Variants in CDKAL1 observed in about 807,000 individuals in gnomAD.
CDKAL1 encodes CDKAL1 threonylcarbamoyladenosine tRNA methylthiotransferase.
Under a neutral mutation model 68.2 loss-of-function variants are expected in CDKAL1, and 32 were observed. That is an observed-to-expected ratio of 0.47 (90% CI 0.35 to 0.63). The LOEUF (loss-of-function observed/expected upper bound fraction) is 0.63. Among genes scored for constraint, CDKAL1 ranks in the 30% least tolerant of loss-of-function variants. The probability of loss-of-function intolerance (pLI) is 0.00; values close to 1 mark genes in which losing one functional copy is unlikely to be tolerated. For synonymous variants in CDKAL1, 234 were observed against 244.3 expected, an observed-to-expected ratio of 0.96 and a Z score of 0.39; for missense variants, 606 against 696.7, an observed-to-expected ratio of 0.87 and a Z score of 1.47.
chr6:20,977,904 C>A (rs543442765), intron 10 of CDKAL1, among the ~76,000 whole-genome samples: 2 of 152,030 alleles, frequency 1.3e-5, no homozygotes, highest in South Asian at 2.1e-4. Context: ...TAATAATAAT[C>A]ATTATTTATG....
At chr6:20,889,877 T>G (rs538251900) in intron 9 of CDKAL1, among the ~76,000 whole-genome samples, 19 of 152,250 alleles carry the variant, frequency 1.2e-4, no homozygotes, top group African/African-American at 4.6e-4. Context: ...TTTAAAGTAG[T>G]TTTTTCCAAT....
At chr6:20,931,343 C>T (rs559850281) in intron 9 of CDKAL1, among the ~76,000 whole-genome samples, 14 of 152,270 alleles carry the variant, frequency 9.2e-5, no homozygotes, top group Non-Finnish European at 1.0e-4. Flanking sequence ...GGTAAATTTG[C>T]TGTCATTGAA....
At chr6:20,692,670 C>CT (rs917011067) in intron 5 of CDKAL1, among the ~76,000 whole-genome samples, 2 of 151,814 alleles carry the variant, frequency 1.3e-5, no homozygotes, top group African/African-American at 2.4e-5. Context: ...CAGTTTTGTA[C>CT]TTTTTTTCTG....
chr6:20,941,886 T>C (rs556207356), intron 9 of CDKAL1, among the ~76,000 whole-genome samples: 18 of 152,342 alleles, frequency 1.2e-4, no homozygotes, highest in Middle Eastern at 3.4e-3. Flanking sequence ...TAAGGAATTA[T>C]CACTTTTTTT....
chr6:20,900,348 G>A (rs1262648278), intron 9 of CDKAL1, among the ~76,000 whole-genome samples: 1 of 152,220 alleles, frequency 6.6e-6, no homozygotes, highest in Non-Finnish European at 1.5e-5. Flanking sequence ...TTAAAAGATA[G>A]TCTTCCAACT....
At chr6:21,197,570 A>G (rs1470042691) in intron 13 of CDKAL1, among the ~76,000 whole-genome samples, 1 of 152,250 alleles carries the variant, frequency 6.6e-6, no homozygotes, top group Non-Finnish European at 1.5e-5. Flanking sequence ...TTAGTGTTAC[A>G]TCCCTCATAA....
At chr6:20,782,238 C>T (rs1308191407) in intron 8 of CDKAL1, among the ~76,000 whole-genome samples, 1 of 152,166 alleles carries the variant, frequency 6.6e-6, no homozygotes, top group Non-Finnish European at 1.5e-5. Flanking sequence ...TGACCAAAGT[C>T]ATTCGGTTTT....
chr6:20,606,120 A>G (rs914060176), intron 4 of CDKAL1, among the ~76,000 whole-genome samples: 2 of 151,992 alleles, frequency 1.3e-5, no homozygotes, highest in African/African-American at 2.4e-5. Context: ...TGTTATGTTC[A>G]ATGTCTTGAA....
chr6:21,111,286 A>T (rs1774109040), intron 13 of CDKAL1, among the ~76,000 whole-genome samples: 1 of 152,240 alleles, frequency 6.6e-6, no homozygotes, highest in Non-Finnish European at 1.5e-5. Context: ...TGGATTCATC[A>T]TGCTGAGTAA....
chr6:21,112,330 A>G (rs1246247975), intron 13 of CDKAL1, among the ~76,000 whole-genome samples: 1 of 152,250 alleles, frequency 6.6e-6, no homozygotes, highest in Non-Finnish European at 1.5e-5. Context: ...ATTCTAAAAA[A>G]TTGAAATGCT....
At chr6:20,901,982 G>T (rs148331684) in intron 9 of CDKAL1, among the ~76,000 whole-genome samples, 7 of 152,098 alleles carry the variant, frequency 4.6e-5, no homozygotes, top group South Asian at 2.1e-4. Flanking sequence ...CGCCATGTTG[G>T]CCAGGATGAT....
chr6:21,069,804 T>TTTTTTTTTTTTTTTTTTTTTTTTA, intron 12 of CDKAL1, among the ~76,000 whole-genome samples: 1 of 85,476 alleles, frequency 1.2e-5, no homozygotes, highest in Non-Finnish European at 2.2e-5. Flanking sequence ...TTTTTTTTTT[T>TTTTTTTTTTTTTTTTTTTTTTTTA]AAAACAGAGC....
intron 10 of CDKAL1, among the ~76,000 whole-genome samples, chr6:20,978,523 A>G (rs1765957114): frequency 6.6e-6 from 1 of 152,226 alleles, no homozygotes; most frequent in Non-Finnish European, 1.5e-5. Flanking sequence ...ATACTATGTG[A>G]AAAATATAAA....
chr6:20,901,220 T>C (rs1468627498), intron 9 of CDKAL1, among the ~76,000 whole-genome samples: 1 of 152,220 alleles, frequency 6.6e-6, no homozygotes, highest in Non-Finnish European at 1.5e-5. Context: ...TCTGCGACTG[T>C]TGCCTCCATT....
At chr6:20,829,286 C>T (rs1777618462) in intron 8 of CDKAL1, among the ~76,000 whole-genome samples, 1 of 152,184 alleles carries the variant, frequency 6.6e-6, no homozygotes, top group South Asian at 2.1e-4. Flanking sequence ...CTGTTTTCCT[C>T]AGCAGCTACA....
intron 8 of CDKAL1, among the ~76,000 whole-genome samples, chr6:20,842,148 G>A (rs145171492): frequency 8.4e-4 from 128 of 152,220 alleles, no homozygotes; most frequent in African/African-American, 3.0e-3. Context: ...AGCTTCTTAT[G>A]TTGAAATGAT....
chr6:21,091,181 A>G (rs968444732), intron 12 of CDKAL1, among the ~76,000 whole-genome samples: 1 of 152,196 alleles, frequency 6.6e-6, no homozygotes, highest in African/African-American at 2.4e-5. Flanking sequence ...GCCAAAATAC[A>G]TCATAGAGAT....
At chr6:20,628,387 T>C (rs1767523756) in intron 4 of CDKAL1, among the ~76,000 whole-genome samples, 1 of 152,110 alleles carries the variant, frequency 6.6e-6, no homozygotes, top group Non-Finnish European at 1.5e-5. Flanking sequence ...AATAGAGTAG[T>C]ATGTGAATTA....
At chr6:20,870,605 C>A (rs1297476174) in intron 9 of CDKAL1, among the ~76,000 whole-genome samples, 1 of 152,034 alleles carries the variant, frequency 6.6e-6, no homozygotes, top group East Asian at 1.9e-4. Flanking sequence ...ATTTTTTTCC[C>A]CTCATACATT....
Sources: allele counts gnomAD v4.1 joint callset (sites outside exome capture counted in the v4.1 genomes callset), GRCh38; gene constraint gnomAD v4.1.1; transcripts MANE v1.5; gene names NCBI Gene and HGNC (gene_info 2026-07-23, HGNC 2026-07-21).